Variants in GPC5 observed in about 807,000 individuals in gnomAD.
The protein encoded by GPC5 is glypican 5.
Under a neutral mutation model 53.9 loss-of-function variants are expected in GPC5, and 47 were observed. The ratio of observed to expected loss-of-function variants is 0.87; its 90% confidence interval spans 0.69 to 1.11. The LOEUF (loss-of-function observed/expected upper bound fraction) is 1.11. GPC5 is among the 50% of genes most tolerant of loss of function. The pLI is 0.00. For synonymous variants in GPC5, 286 were observed against 263.3 expected (o/e 1.09, Z -0.84); for missense variants, 748 against 713.1 (o/e 1.05, Z -0.56).
chr13:92,072,891 A>T (rs2041224614), intron 6 of GPC5, among the ~76,000 whole-genome samples: 1 of 152,186 alleles, frequency 6.6e-6, no homozygotes. Context: ...GTTACTTTTA[A>T]AATAAATCAA....
At chr13:91,734,719 T>G (rs951108121) in intron 4 of GPC5, among the ~76,000 whole-genome samples, 1 of 149,212 alleles carries the variant, frequency 6.7e-6, no homozygotes, top group Non-Finnish European at 1.5e-5. Context: ...ATTCCTTTGG[T>G]GGTGAATAAA....
At chr13:92,782,337 G>T (rs958665931) in intron 7 of GPC5, among the ~76,000 whole-genome samples, 1 of 151,986 alleles carries the variant, frequency 6.6e-6, no homozygotes, top group African/African-American at 2.4e-5. Context: ...TGCCCTTATG[G>T]GGCTTCTTTT....
intron 7 of GPC5, among the ~76,000 whole-genome samples, chr13:92,390,888 C>T (rs1874971207): frequency 6.6e-6 from 1 of 151,972 alleles, no homozygotes; most frequent in African/African-American, 2.4e-5. Context: ...ATATTTAGGG[C>T]TTTGGTTCAA....
chr13:92,844,005 G>C (rs1364625682), intron 7 of GPC5, among the ~76,000 whole-genome samples: 1 of 151,286 alleles, frequency 6.6e-6, no homozygotes, highest in Non-Finnish European at 1.5e-5. Flanking sequence ...TAGTGTGCTA[G>C]AGCTGGAAGA....
chr13:92,392,245 T>A (rs1875039287), intron 7 of GPC5, among the ~76,000 whole-genome samples: 1 of 152,124 alleles, frequency 6.6e-6, no homozygotes, highest in Non-Finnish European at 1.5e-5. Context: ...CATGGGAGAC[T>A]TTTGGGACAG....
At chr13:92,801,889 T>C (rs909545959) in intron 7 of GPC5, among the ~76,000 whole-genome samples, 1 of 151,744 alleles carries the variant, frequency 6.6e-6, no homozygotes, top group African/African-American at 2.4e-5. Flanking sequence ...TACAAAAGGG[T>C]CAAAAAGTTT....
chr13:92,785,258 A>T (rs577505711), intron 7 of GPC5, among the ~76,000 whole-genome samples: 15 of 152,320 alleles, frequency 9.8e-5, no homozygotes, highest in Middle Eastern at 3.4e-3. Context: ...CCTGGGCAAC[A>T]GAACAAGACT....
At chr13:92,710,142 T>A (rs530650538) in intron 7 of GPC5, among the ~76,000 whole-genome samples, 2 of 152,314 alleles carry the variant, frequency 1.3e-5, no homozygotes, top group South Asian at 4.1e-4. Context: ...GTCATAATAG[T>A]CAAATCATAC....
At chr13:91,882,440 A>G (rs756460933) in intron 5 of GPC5, among the ~76,000 whole-genome samples, 1 of 152,016 alleles carries the variant, frequency 6.6e-6, no homozygotes. Context: ...GTTTTGTAAC[A>G]TTAAATATTT....
intron 7 of GPC5, among the ~76,000 whole-genome samples, chr13:92,218,802 A>G (rs554748705): frequency 1.7e-4 from 26 of 152,342 alleles, no homozygotes; most frequent in African/African-American, 6.3e-4. Context: ...GGATAAAATT[A>G]GCATGTTAAA....
chr13:91,634,440 T>G (rs2034236358), intron 2 of GPC5, among the ~76,000 whole-genome samples: 1 of 152,014 alleles, frequency 6.6e-6, no homozygotes, highest in Non-Finnish European at 1.5e-5. Flanking sequence ...CAGTTTCTTT[T>G]TTTTTCTATA....
chr13:91,743,907 T>C (rs980293815), intron 4 of GPC5, among the ~76,000 whole-genome samples: 3 of 152,176 alleles, frequency 2.0e-5, no homozygotes, highest in Non-Finnish European at 4.4e-5. Flanking sequence ...AGCTCTCAAC[T>C]TTTAAATTAA....
chr13:92,413,415 A>T (rs1876135486), intron 7 of GPC5, among the ~76,000 whole-genome samples: 1 of 152,238 alleles, frequency 6.6e-6, no homozygotes, highest in African/African-American at 2.4e-5. Context: ...ATAAATGGGC[A>T]TGTTCCCTAC....
intron 7 of GPC5, among the ~76,000 whole-genome samples, chr13:92,170,240 C>A (rs957140690): frequency 3.3e-5 from 5 of 151,536 alleles, no homozygotes; most frequent in African/African-American, 1.2e-4. Context: ...TATAGAAAGT[C>A]TTTTGTTTTG....
At chr13:92,576,625 A>G (rs1883199541) in intron 7 of GPC5, among the ~76,000 whole-genome samples, 1 of 152,182 alleles carries the variant, frequency 6.6e-6, no homozygotes, top group Non-Finnish European at 1.5e-5. Flanking sequence ...AGCAAGTAAA[A>G]TATAATTTAA....
intron 7 of GPC5, among the ~76,000 whole-genome samples, chr13:92,462,829 G>A (rs1478609125): frequency 6.6e-6 from 1 of 150,696 alleles, no homozygotes; most frequent in Non-Finnish European, 1.5e-5. Flanking sequence ...TGATTCTCCT[G>A]CCTCAGCCTC....
chr13:92,722,689 TAAC>T (rs1356588944), intron 7 of GPC5, among the ~76,000 whole-genome samples: 1 of 151,868 alleles, frequency 6.6e-6, no homozygotes, highest in African/African-American at 2.4e-5. Context: ...GTCCTTATTA[TAAC>T]AACATTATTG....
intron 7 of GPC5, among the ~76,000 whole-genome samples, chr13:92,264,771 A>C (rs2042790077): frequency 6.6e-6 from 1 of 151,832 alleles, no homozygotes; most frequent in African/African-American, 2.4e-5. Flanking sequence ...GCTCAATAGC[A>C]ACATGTTCAT....
chr13:91,960,511 C>T (rs1339561015), intron 6 of GPC5, among the ~76,000 whole-genome samples: 2 of 151,844 alleles, frequency 1.3e-5, no homozygotes, highest in Non-Finnish European at 2.9e-5. Context: ...AGATACAATG[C>T]CACCTCTATA....
Sources: gnomAD v4.1 joint callset for allele counts (sites outside exome capture counted in the v4.1 genomes callset) on GRCh38, gnomAD v4.1.1 for gene constraint, MANE v1.5 for transcripts, NCBI Gene and HGNC (gene_info 2026-07-23, HGNC 2026-07-21) for gene names.